Variants in ITIH5 observed in about 807,000 individuals in gnomAD.
The protein encoded by ITIH5 is inter-alpha-trypsin inhibitor heavy chain 5.
A neutral mutation model predicts 77.5 loss-of-function variants in ITIH5; 65 were observed. That is an observed-to-expected ratio of 0.84 (90% CI 0.69 to 1.03). ITIH5 has a LOEUF of 1.03. Among genes scored for constraint, ITIH5 ranks in the 50% least tolerant of loss-of-function variants. The pLI, the probability that ITIH5 is intolerant of heterozygous loss-of-function variation, is 0.00. For synonymous variants in ITIH5, 525 were observed against 494.3 expected (o/e 1.06, Z -0.82); for missense variants, 1,208 against 1,213.1 (o/e 1.00, Z 0.06).
intron 8 of ITIH5, among the ~76,000 whole-genome samples, chr10:7,584,342 C>G (rs1411690285): frequency 2.4e-4 from 35 of 146,122 alleles, no homozygotes; most frequent in African/African-American, 7.9e-4. Context: ...GTCTCGCTGT[C>G]ACCCAGGCTG....
intron 3 of ITIH5, among the ~76,000 whole-genome samples, chr10:7,641,680 A>AGGAG (rs374173121): frequency 6.8e-4 from 48 of 70,490 alleles, no homozygotes; most frequent in African/African-American, 2.4e-3. Flanking sequence ...GAGGCAGGGA[A>AGGAG]GGAGGGAGGG....
At chr10:7,595,821 A>T (rs919072955) in intron 7 of ITIH5, among the ~76,000 whole-genome samples, 4 of 152,134 alleles carry the variant, frequency 2.6e-5, no homozygotes, top group African/African-American at 9.7e-5. Flanking sequence ...ATCCGGGCTA[A>T]CATGGTGAAA....
intron 2 of ITIH5, among the ~76,000 whole-genome samples, chr10:7,655,130 C>A (rs1834159431): frequency 6.6e-6 from 1 of 152,132 alleles, no homozygotes; most frequent in South Asian, 2.1e-4. Context: ...TGATATTTCA[C>A]TCCATGCACA....
intron 1 of ITIH5, among the ~76,000 whole-genome samples, chr10:7,659,170 A>T (rs924232279): frequency 8.5e-5 from 13 of 152,122 alleles, no homozygotes; most frequent in Non-Finnish European, 1.9e-4. Flanking sequence ...TGAGGTCAAG[A>T]GTTCGAAACC....
chr10:7,587,340 C>CT (rs1832700494), intron 7 of ITIH5, among the ~76,000 whole-genome samples: 1 of 152,222 alleles, frequency 6.6e-6, no homozygotes, highest in African/African-American at 2.4e-5. Flanking sequence ...TGAGCAAACT[C>CT]TGTCTTCCCA....
At chr10:7,637,681 G>T (rs1441177975) in intron 4 of ITIH5, among the ~76,000 whole-genome samples, 17 of 152,082 alleles carry the variant, frequency 1.1e-4, no homozygotes, top group Non-Finnish European at 4.4e-5. Context: ...GGTCACGAAG[G>T]GTCAAAGAAT....
chr10:7,627,535 G>T (rs1225071425), intron 5 of ITIH5, among the ~76,000 whole-genome samples: 1 of 152,042 alleles, frequency 6.6e-6, no homozygotes, highest in Non-Finnish European at 1.5e-5. Context: ...TATTTTCAGT[G>T]GTTCTCTTCT....
At chr10:7,648,868 A>G (rs566789436) in intron 2 of ITIH5, among the ~76,000 whole-genome samples, 1 of 152,334 alleles carries the variant, frequency 6.6e-6, no homozygotes, top group African/African-American at 2.4e-5. Flanking sequence ...ATATTACATC[A>G]AGAATATGAA....
chr10:7,632,333 C>A (rs538681322), intron 5 of ITIH5, among the ~76,000 whole-genome samples: 1 of 152,218 alleles, frequency 6.6e-6, no homozygotes, highest in South Asian at 2.1e-4. Flanking sequence ...GTACAGGGAT[C>A]CTTCTGAGGT....
chr10:7,610,351 G>A (rs1833219758), intron 7 of ITIH5, among the ~76,000 whole-genome samples: 5 of 152,108 alleles, frequency 3.3e-5, no homozygotes, highest in Admixed American at 3.3e-4. Context: ...AGCTTTGGGG[G>A]CTCCCCAGGT....
At chr10:7,663,641 G>A (rs1226524731) in intron 1 of ITIH5, among the ~76,000 whole-genome samples, 1 of 152,122 alleles carries the variant, frequency 6.6e-6, no homozygotes, top group Non-Finnish European at 1.5e-5. Flanking sequence ...CCTGCAAATT[G>A]TATAAACTTT....
chr10:7,577,069 G>A lies in ITIH5; in HGVS notation c.1419-57C>T, dbSNP rs539326043. ...CAGGGCCCTGCTCTGACAGCAGGCAGGACAGTCCTAAAGGAAACTGCAGAC... is the reference window on the plus strand; with the variant it reads ...CAGGGCCCTGCTCTGACAGCAGGCAAGACAGTCCTAAAGGAAACTGCAGAC... On this transcript the variant is annotated intron_variant, in intron 9 of 13. Transcript: ENST00000397146. 11 of 1,479,410 alleles carry A rather than the reference G, an allele frequency of 7.4e-6. No individual in the cohort carries two copies. The African/African-American group carries it at 1.5e-4, about 21-fold the overall frequency. The allele number at this position is 1,479,410 out of a possible 1,614,324, so 91.6% of individuals were successfully genotyped here. A position where few individuals can be genotyped will look rare whatever the true frequency, so the allele number is the denominator to read the frequency against.
chr10:7,588,941 G>C (rs894970469), intron 7 of ITIH5, among the ~76,000 whole-genome samples: 1 of 152,220 alleles, frequency 6.6e-6, no homozygotes, highest in East Asian at 1.9e-4. Context: ...AAAATGCAGG[G>C]AGTCTGACTT....
At position 7,560,192 on chromosome 10, in the gene ITIH5, C is replaced by A. The variant is rs1362421476; in HGVS notation, c.*2891G>T. 5.9e-6 allele frequency: 1 copy of A among 170,874 alleles called. No individual in the cohort carries two copies. The highest frequency in any genetic ancestry group is 1.2e-5 in the Non-Finnish European group (1 of 80,722). 10.6% of individuals were successfully genotyped at this position (170,874 alleles called of 1,614,324 possible). On this transcript the variant is annotated 3_prime_UTR_variant, in exon 14 of 14. Transcript: ENST00000397146. ...AGGGCCTTAATCCCATTCGTGAGGG[C>A]TCTGCCCTCAAGACCCAATAACCTT... is the stretch of plus-strand genomic sequence containing the variant.
rs1411279532 is a variant in ITIH5 at position 7,566,832 on chromosome 10, GGAAGAGGAAGAGGAA to G, written c.2150-440_2150-426del. The stretch of plus-strand genomic sequence containing the variant: ...AGGAAGAGGAAGAGGAAGAGGAAGA[GGAAGAGGAAGAGGAA>G]GAAGAAGAAGAAGAAGAAGAAGAAG... On this transcript the variant is annotated intron_variant, in intron 12 of 13. Transcript: ENST00000397146. Among the ~76,000 whole-genome samples, 165 of 34,096 alleles carry G rather than the reference GGAAGAGGAAGAGGAA, an allele frequency of 4.8e-3. 2 individuals are homozygous for G. The highest frequency in any genetic ancestry group is 5.5e-3 in the Non-Finnish European group (110 of 19,958). The allele number at this position is 34,096 out of a possible 152,430, so 22.4% of individuals were successfully genotyped here.
At chr10:7,625,966 G>A (rs369256178) in intron 5 of ITIH5, among the ~76,000 whole-genome samples, 31 of 152,168 alleles carry the variant, frequency 2.0e-4, no homozygotes, top group Non-Finnish European at 3.7e-4. Flanking sequence ...GAGAGTTCAC[G>A]TCCAGCTTGC....
In ITIH5 at chr10:7,562,820, C is replaced by G. The variant is rs1408396049; in HGVS notation, c.*263G>C. 18 of 527,530 alleles carry G rather than the reference C, an allele frequency of 3.4e-5. No individual in the cohort carries two copies. The East Asian group carries it at 5.9e-4, about 17-fold the overall frequency. 32.7% of individuals were successfully genotyped at this position (527,530 alleles called of 1,614,324 possible). A position where few individuals can be genotyped will look rare whatever the true frequency, so the allele number is the denominator to read the frequency against. On this transcript the variant is annotated 3_prime_UTR_variant, in exon 14 of 14. Coordinates refer to ENST00000397146, the MANE Select transcript of ITIH5 (RefSeq NM_030569.7). ...TTTGTTGCATTTAGCTATGACCCTT[C>G]TCTCCCCTCTGTGGATGTGGGCAGG...
At chr10:7,572,333 G>A (rs1390750944) in intron 11 of ITIH5, 2 of 1,367,652 alleles carry the variant, frequency 1.5e-6, no homozygotes, top group Non-Finnish European at 2.0e-6. Context: ...TATAGTTCCA[G>A]GATGCTGGCA....
At chr10:7,577,570 A>G (rs1476335043) in intron 9 of ITIH5, among the ~76,000 whole-genome samples, 1 of 152,250 alleles carries the variant, frequency 6.6e-6, no homozygotes, top group Admixed American at 6.5e-5. Context: ...GATGTGCTTT[A>G]AGCAGCGCAT....
Sources: allele counts gnomAD v4.1 joint callset (sites outside exome capture counted in the v4.1 genomes callset), GRCh38; gene constraint gnomAD v4.1.1; transcripts MANE v1.5; gene names NCBI Gene and HGNC (gene_info 2026-07-23, HGNC 2026-07-21).